C2orf76: variants seen among roughly 807,000 people sequenced by gnomAD.
C2orf76 encodes the protein UPF0538 protein C2orf76.
Under a neutral mutation model 16.9 loss-of-function variants are expected in C2orf76, and 23 were observed. The ratio of observed to expected loss-of-function variants is 1.36; its 90% confidence interval spans 0.98 to 1.93. The LOEUF (loss-of-function observed/expected upper bound fraction) is 1.93, where lower values mean the gene tolerates loss of function less well. Among genes scored for constraint, C2orf76 ranks in the 30% most tolerant of loss-of-function variants. The probability of loss-of-function intolerance (pLI) is 0.00; values close to 1 mark genes in which losing one functional copy is unlikely to be tolerated. For missense variants in C2orf76, 152 were observed against 152.6 expected, an observed-to-expected ratio of 1.00 and a Z score of 0.02; for synonymous variants, 48 against 52.3, an observed-to-expected ratio of 0.92 and a Z score of 0.35.
intron 5 of C2orf76, chr2:119,311,034 A>G (rs1410347269): frequency 2.1e-6 from 1 of 482,060 alleles, no homozygotes; most frequent in East Asian, 1.5e-4. Context: ...TTAGGTGTAC[A>G]TATACGTAGA....
intron 2 of C2orf76, among the ~76,000 whole-genome samples, chr2:119,333,446 T>G (rs1288764601): frequency 9.9e-5 from 15 of 152,230 alleles, no homozygotes; most frequent in Admixed American, 9.8e-4. Flanking sequence ...GAAAATCTGG[T>G]GGATGGCACC....
chr2:119,299,833 G>A (rs1678590885), downstream of C2orf76, among the ~76,000 whole-genome samples: 3 of 152,156 alleles, frequency 2.0e-5, no homozygotes, highest in Admixed American at 2.0e-4. Flanking sequence ...TTGAATGCGT[G>A]CAAAGCAAAC....
At chr2:119,286,198 C>T in the C2orf76 span, among the ~76,000 whole-genome samples, 208 of 144,516 alleles carry the variant, frequency 1.4e-3, no homozygotes, top group Admixed American at 2.4e-3. Flanking sequence ...CGCACTCCAG[C>T]CTGGTGACAG....
chr2:119,317,141 A>C (rs1003049570), intron 4 of C2orf76, among the ~76,000 whole-genome samples: 3 of 152,236 alleles, frequency 2.0e-5, no homozygotes, highest in African/African-American at 7.2e-5. Flanking sequence ...CTGGATTGCC[A>C]GATAATAAGC....
At chr2:119,293,013 C>T in the C2orf76 span, among the ~76,000 whole-genome samples, 21 of 152,190 alleles carry the variant, frequency 1.4e-4, no homozygotes, top group East Asian at 1.5e-3. Flanking sequence ...CCAGCCTGGG[C>T]GACACAATGA....
chr2:119,341,148 T>G (rs1395524090), intron 1 of C2orf76, among the ~76,000 whole-genome samples: 1 of 152,168 alleles, frequency 6.6e-6, no homozygotes, highest in Non-Finnish European at 1.5e-5. Flanking sequence ...TGCACAGCAG[T>G]AACAACACTT....
At chr2:119,331,151 G>A (rs1044248324) in intron 2 of C2orf76, among the ~76,000 whole-genome samples, 1 of 151,914 alleles carries the variant, frequency 6.6e-6, no homozygotes, top group African/African-American at 2.4e-5. Context: ...CTGTATTCCT[G>A]TAAGCTTTCT....
intron 4 of C2orf76, among the ~76,000 whole-genome samples, chr2:119,313,953 C>T (rs1679079548): frequency 6.8e-6 from 1 of 146,288 alleles, no homozygotes; most frequent in Admixed American, 6.9e-5. Flanking sequence ...GGAAATTCGG[C>T]CTTTTCTGTA....
chr2:119,333,894 T>C (rs1282296850), intron 2 of C2orf76, among the ~76,000 whole-genome samples: 1 of 152,208 alleles, frequency 6.6e-6, no homozygotes. Context: ...TAGAAAGATA[T>C]GACCTGTCAC....
chr2:119,291,247 C>T, the C2orf76 span, among the ~76,000 whole-genome samples: 1 of 152,012 alleles, frequency 6.6e-6, no homozygotes, highest in African/African-American at 2.4e-5. Flanking sequence ...TGGCAGGTAT[C>T]TAGAATATTC....
At chr2:119,304,105 T>C (rs1573615272) in intron 5 of C2orf76, among the ~76,000 whole-genome samples, 1 of 152,210 alleles carries the variant, frequency 6.6e-6, no homozygotes, top group African/African-American at 2.4e-5. Flanking sequence ...TGGAAATCTA[T>C]CCCTTATAGA....
chr2:119,343,730 A>T (rs1012726409), intron 1 of C2orf76, among the ~76,000 whole-genome samples: 1 of 152,158 alleles, frequency 6.6e-6, no homozygotes, highest in Admixed American at 6.6e-5. Context: ...CAGTGAGCTG[A>T]GATTGCGCCA....
At chr2:119,281,441 G>A in the C2orf76 span, among the ~76,000 whole-genome samples, 3 of 151,970 alleles carry the variant, frequency 2.0e-5, no homozygotes, top group African/African-American at 4.8e-5. Context: ...CAGGGTGGTC[G>A]AGGCTGCAGT....
intron 4 of C2orf76, 111 bp downstream of exon 4, chr2:119,317,355 G>T: frequency 1.4e-6 from 1 of 702,700 alleles, no homozygotes; most frequent in Non-Finnish European, 2.1e-6. Context: ...AATAAAAAGC[G>T]CTATTATAAT....
At chr2:119,312,916 T>C (rs1465628957) in intron 4 of C2orf76, among the ~76,000 whole-genome samples, 1 of 151,464 alleles carries the variant, frequency 6.6e-6, no homozygotes, top group East Asian at 1.9e-4. Flanking sequence ...TAGTCCCAGC[T>C]ACTCAGGAGG....
At chr2:119,357,891 G>T (rs1680621507) in intron 1 of C2orf76, among the ~76,000 whole-genome samples, 2 of 152,060 alleles carry the variant, frequency 1.3e-5, no homozygotes, top group Admixed American at 6.5e-5. Flanking sequence ...AAAGTCACAG[G>T]ATACAAAATA....
At chr2:119,349,666 G>A (rs1680319063) in intron 1 of C2orf76, among the ~76,000 whole-genome samples, 1 of 151,990 alleles carries the variant, frequency 6.6e-6, no homozygotes, top group African/African-American at 2.4e-5. Flanking sequence ...CACCCTCTTT[G>A]CTTTCCCACA....
At chr2:119,321,044 A>T in intron 3 of C2orf76, 110 bp downstream of exon 3, 1 of 534,894 alleles carries the variant, frequency 1.9e-6, no homozygotes, top group Non-Finnish European at 3.2e-6. Context: ...TAAACTTCCA[A>T]ATTGGTTTTT....
At chr2:119,341,964 A>G (rs1680045671) in intron 1 of C2orf76, among the ~76,000 whole-genome samples, 1 of 152,208 alleles carries the variant, frequency 6.6e-6, no homozygotes, top group South Asian at 2.1e-4. Context: ...GTAAAACTGA[A>G]GATACATATA....
Sources: allele counts gnomAD v4.1 joint callset (sites outside exome capture counted in the v4.1 genomes callset), GRCh38; gene constraint gnomAD v4.1.1; transcripts MANE v1.5; gene names NCBI Gene and HGNC (gene_info 2026-07-23, HGNC 2026-07-21).